The following ELAVL2 variants were observed in gnomAD, a reference collection of about 807,000 sequenced individuals.
The protein encoded by ELAVL2 is ELAV like RNA binding protein 2.
ELAVL2 carries 4 observed loss-of-function variants against 34.6 expected under a neutral mutation model. The observed-to-expected ratio is 0.12, with a 90% CI of 0.06 to 0.26. The LOEUF (loss-of-function observed/expected upper bound fraction) is 0.26, where lower values mean the gene tolerates loss of function less well. Ranked by LOEUF, ELAVL2 falls within the 10% of genes least tolerant of loss-of-function variation. The pLI is 1.00. For synonymous variants in ELAVL2, 193 were observed against 154.8 expected (o/e 1.25, Z -1.83); for missense variants, 432 against 442.8 (o/e 0.98, Z 0.22).
intron 3 of ELAVL2, among the ~76,000 whole-genome samples, chr9:23,728,308 T>C (rs568238147): frequency 1.3e-5 from 2 of 152,252 alleles, no homozygotes; most frequent in Admixed American, 6.5e-5. Flanking sequence ...AGAATTCCTT[T>C]AGATGGGCTC....
At chr9:23,785,802 A>G (rs970770008) in intron 1 of ELAVL2, among the ~76,000 whole-genome samples, 1 of 152,210 alleles carries the variant, frequency 6.6e-6, no homozygotes, top group Non-Finnish European at 1.5e-5. Context: ...AGGACACACA[A>G]TGGGAAAAGT....
chr9:23,797,696 G>A (rs896290041), intron 1 of ELAVL2, among the ~76,000 whole-genome samples: 1 of 152,226 alleles, frequency 6.6e-6, no homozygotes, highest in Non-Finnish European at 1.5e-5. Flanking sequence ...GGGAGGCTGA[G>A]GCAGGTGGAT....
intron 1 of ELAVL2, among the ~76,000 whole-genome samples, chr9:23,776,798 T>C (rs1223173392): frequency 6.6e-6 from 1 of 150,710 alleles, no homozygotes; most frequent in African/African-American, 2.4e-5. Flanking sequence ...AAACTACCAC[T>C]TCTAACTTCA....
At chr9:23,700,019 T>A (rs894112944) in intron 5 of ELAVL2, among the ~76,000 whole-genome samples, 5 of 151,984 alleles carry the variant, frequency 3.3e-5, no homozygotes, top group African/African-American at 1.2e-4. Context: ...AGTATTTTTT[T>A]AAAAGGAGCT....
chr9:23,814,158 T>C (rs1434759829), intron 1 of ELAVL2, among the ~76,000 whole-genome samples: 1 of 152,140 alleles, frequency 6.6e-6, no homozygotes, highest in East Asian at 1.9e-4. Flanking sequence ...CATATGAAGC[T>C]CACGGATCAC....
intron 2 of ELAVL2, among the ~76,000 whole-genome samples, chr9:23,758,927 T>C (rs1264182488): frequency 6.6e-6 from 1 of 152,062 alleles, no homozygotes; most frequent in African/African-American, 2.4e-5. Context: ...AAATGAAGGT[T>C]GAAAAACATC....
chr9:23,747,772 C>G (rs1365893205), intron 2 of ELAVL2, among the ~76,000 whole-genome samples: 1 of 152,148 alleles, frequency 6.6e-6, no homozygotes, highest in Admixed American at 6.6e-5. Flanking sequence ...TAAGCCCCAA[C>G]ACAGGAAATT....
chr9:23,704,762 A>T (rs1053871619), intron 4 of ELAVL2, among the ~76,000 whole-genome samples, 156 bp downstream of exon 4: 7 of 152,180 alleles, frequency 4.6e-5, no homozygotes, highest in African/African-American at 1.2e-4. Flanking sequence ...TTATCCATGC[A>T]TATTTATGAA....
intron 1 of ELAVL2, among the ~76,000 whole-genome samples, chr9:23,776,065 T>A (rs2058139679): frequency 6.6e-6 from 1 of 152,126 alleles, no homozygotes; most frequent in African/African-American, 2.4e-5. Flanking sequence ...ATCCATGTGG[T>A]TTTATGTTCC....
intron 2 of ELAVL2, among the ~76,000 whole-genome samples, chr9:23,749,113 G>A (rs78158473): frequency 6.6e-6 from 1 of 152,176 alleles, no homozygotes; most frequent in Admixed American, 6.6e-5. Context: ...CTGTAAACTT[G>A]AAAAGGTTCA....
intron 1 of ELAVL2, among the ~76,000 whole-genome samples, chr9:23,804,415 T>C (rs1312752340): frequency 2.6e-5 from 4 of 152,286 alleles, no homozygotes; most frequent in African/African-American, 9.6e-5. Context: ...AATACATAGA[T>C]CTTTTTGAAT....
chr9:23,788,431 G>A (rs2059952352), intron 1 of ELAVL2, among the ~76,000 whole-genome samples: 1 of 152,078 alleles, frequency 6.6e-6, no homozygotes, highest in Admixed American at 6.6e-5. Flanking sequence ...CCCAATAGAT[G>A]CCTGAAACTT....
chr9:23,731,361 C>T (rs994223093), intron 2 of ELAVL2, among the ~76,000 whole-genome samples: 3 of 152,070 alleles, frequency 2.0e-5, no homozygotes, highest in Non-Finnish European at 4.4e-5. Flanking sequence ...CACACATCCC[C>T]AAAGGATTCC....
rs767310033 is a variant in ELAVL2, at chr9:23,704,976, C to T, written c.429G>A (p.Gln143=). The stretch of plus-strand genomic sequence containing the variant: ...TAATGCGTCCATATTGTGAAAAAAG[C>T]TGTTCCAACTCCTTCTGGGTCATTG... ...PKTMTQKELE[Q]LFSQYGRIIT... Residue 143 remains glutamine (Q), a synonymous_variant, in exon 4 of 7, where the codon CAG becomes CAA. Transcript: ENST00000397312. The T allele has an allele frequency of 4.0e-5, 64 of 1,614,002 alleles. 1 individual carries two copies. The East Asian group carries it at 1.4e-3, about 36-fold the overall frequency.
chr9:23,718,338 G>C (rs2133964950), intron 3 of ELAVL2, among the ~76,000 whole-genome samples: 1 of 152,184 alleles, frequency 6.6e-6, no homozygotes, highest in South Asian at 2.1e-4. Flanking sequence ...AAGATTTAGT[G>C]TTTTGGGCCC....
At chr9:23,783,032 C>G (rs1245925268) in intron 1 of ELAVL2, among the ~76,000 whole-genome samples, 2 of 152,204 alleles carry the variant, frequency 1.3e-5, no homozygotes, top group Non-Finnish European at 2.9e-5. Context: ...AAGATACTAA[C>G]TGGTAACTAT....
At chr9:23,818,733 A>G (rs1298662356) in intron 1 of ELAVL2, among the ~76,000 whole-genome samples, 1 of 152,242 alleles carries the variant, frequency 6.6e-6, no homozygotes, top group Non-Finnish European at 1.5e-5. Flanking sequence ...TGACGATGTG[A>G]TAGATTTAAT....
intron 2 of ELAVL2, among the ~76,000 whole-genome samples, chr9:23,744,756 AT>A (rs1249370705): frequency 3.3e-5 from 5 of 152,124 alleles, no homozygotes; most frequent in South Asian, 2.1e-4. Context: ...ACGAAAAAAA[AT>A]AAAAATAAAA....
intron 4 of ELAVL2, among the ~76,000 whole-genome samples, chr9:23,704,184 G>T (rs2038513067): frequency 6.9e-6 from 1 of 144,290 alleles, no homozygotes; most frequent in African/African-American, 2.5e-5. Flanking sequence ...CGCCCTCCTT[G>T]GCCTCCCAAA....
Sources: allele counts gnomAD v4.1 joint callset (sites outside exome capture counted in the v4.1 genomes callset), GRCh38; gene constraint gnomAD v4.1.1; transcripts MANE v1.5; gene names NCBI Gene and HGNC (gene_info 2026-07-23, HGNC 2026-07-21).